The following ARHGEF38 variants were observed in gnomAD, a reference collection of about 807,000 sequenced individuals.
The protein encoded by ARHGEF38 is Rho guanine nucleotide exchange factor (GEF) 38.
ARHGEF38 carries 79 observed loss-of-function variants against 79.9 expected under a neutral mutation model. That is an observed-to-expected ratio of 0.99 (90% CI 0.82 to 1.19). The LOEUF is 1.19. Among genes scored for constraint, ARHGEF38 ranks in the 50% most tolerant of loss-of-function variants. ARHGEF38 has a pLI of 0.00. For missense variants in ARHGEF38, 962 were observed against 907.2 expected (o/e 1.06, Z -0.78); for synonymous variants, 366 against 328.3 (o/e 1.11, Z -1.24).
chr4:105,625,845 A>G (rs1728923643), intron 3 of ARHGEF38, among the ~76,000 whole-genome samples: 1 of 152,200 alleles, frequency 6.6e-6, no homozygotes, highest in African/African-American at 2.4e-5. Flanking sequence ...AACTTAGTCA[A>G]TCTTGGCAGT....
In ARHGEF38 at chr4:105,559,185, C is replaced by T. The variant is rs973190007; in HGVS notation, c.196+6224C>T. Among the ~76,000 whole-genome samples the T allele has an allele frequency of 3.3e-5, 5 of 152,212 alleles. No individual in the cohort carries two copies. The East Asian group carries it at 7.7e-4, about 24-fold the overall frequency. On this transcript the variant is annotated intron_variant, in intron 1 of 13. Coordinates refer to ENST00000420470, the MANE Select transcript of ARHGEF38 (RefSeq NM_001242729.2). ...GAGTTGCTAAATTTATAAGCAGTAT[C>T]GTTCTTAGAACCAGTCAAGACTCAA...
intron 10 of ARHGEF38, among the ~76,000 whole-genome samples, chr4:105,659,652 C>T (rs891599935): frequency 6.6e-6 from 1 of 152,154 alleles, no homozygotes; most frequent in Admixed American, 6.5e-5. Context: ...GCTCCACCTG[C>T]CTGATGCAAC....
intron 6 of ARHGEF38, among the ~76,000 whole-genome samples, chr4:105,647,040 G>C (rs890825002): frequency 2.6e-5 from 4 of 152,122 alleles, no homozygotes; most frequent in African/African-American, 9.7e-5. Flanking sequence ...TGCCTCAACT[G>C]TTAGGTGAGT....
At chr4:105,581,981 C>T (rs1434549931) in intron 1 of ARHGEF38, among the ~76,000 whole-genome samples, 4 of 151,680 alleles carry the variant, frequency 2.6e-5, no homozygotes, top group Non-Finnish European at 5.9e-5. Flanking sequence ...CTGGCCAACC[C>T]AGTGAAACCC....
chr4:105,674,147 G>T (rs1037004356), intron 13 of ARHGEF38, among the ~76,000 whole-genome samples: 8 of 152,100 alleles, frequency 5.3e-5, no homozygotes, highest in African/African-American at 1.9e-4. Context: ...AACTGGGAAT[G>T]TTACCACAGG....
At chr4:105,600,904 AT>A (rs1233981797) in intron 2 of ARHGEF38, among the ~76,000 whole-genome samples, 1 of 152,098 alleles carries the variant, frequency 6.6e-6, no homozygotes, top group Non-Finnish European at 1.5e-5. Flanking sequence ...TGCCTTCAAA[AT>A]TTATCCAGAA....
At chr4:105,651,766 C>T (rs1730114881) in intron 7 of ARHGEF38, among the ~76,000 whole-genome samples, 1 of 152,132 alleles carries the variant, frequency 6.6e-6, no homozygotes, top group East Asian at 1.9e-4. Flanking sequence ...GCAATCCTTT[C>T]ACCTCAGCCT....
At chr4:105,630,249 CTTT>C (rs5860803) in intron 3 of ARHGEF38, among the ~76,000 whole-genome samples, 9 of 139,900 alleles carry the variant, frequency 6.4e-5, no homozygotes, top group South Asian at 2.3e-4. Context: ...AACTGCAACT[CTTT>C]TTTTTTTTTT....
intron 2 of ARHGEF38, among the ~76,000 whole-genome samples, chr4:105,598,500 G>A (rs758535199): frequency 1.1e-4 from 17 of 152,308 alleles, no homozygotes; most frequent in Non-Finnish European, 2.1e-4. Context: ...ATTCTACTTT[G>A]TATTGGCCTT....
At position 105,645,217 on chromosome 4, in the gene ARHGEF38, C is replaced by A. The variant is rs553467264; in HGVS notation, c.704C>A (p.Ser235Tyr). 1.3e-6 allele frequency: 2 copies of A among 1,530,258 alleles called. No homozygotes were observed. The highest frequency in any genetic ancestry group is 1.7e-6 in the Non-Finnish European group (2 of 1,144,438). The allele number at this position is 1,530,258 out of a possible 1,614,324, so 94.8% of individuals were successfully genotyped here. A position where few individuals can be genotyped will look rare whatever the true frequency, so the allele number is the denominator to read the frequency against. ...AAACCAAACTTATTGGACATGGGCT[C>A]TTTGATGATCAAACCAATTCAACGT... Reference protein sequence around the residue: ...EGKPNLLDMGSLMIKPIQRVM... With the variant: ...EGKPNLLDMGYLMIKPIQRVM... The change falls in exon 6 of 14, where the codon TCT becomes TAT. Residue 235 changes from serine (S) to tyrosine (Y), a missense_variant. By Grantham distance (144) the Ser-to-Tyr change is moderately radical. Coordinates refer to ENST00000420470, the MANE Select transcript of ARHGEF38 (RefSeq NM_001242729.2).
intron 1 of ARHGEF38, among the ~76,000 whole-genome samples, chr4:105,583,883 C>A (rs777211051): frequency 6.6e-6 from 1 of 152,052 alleles, no homozygotes; most frequent in Non-Finnish European, 1.5e-5. Context: ...TTGATCACCA[C>A]CAAGGCTGAG....
intron 2 of ARHGEF38, among the ~76,000 whole-genome samples, chr4:105,609,514 T>C (rs997515137): frequency 1.3e-5 from 2 of 152,078 alleles, no homozygotes; most frequent in African/African-American, 4.8e-5. Flanking sequence ...TTAATACTGT[T>C]AAAATATCCA....
In ARHGEF38 at chr4:105,561,474, A is replaced by AGAATGGAATGGAATG. The variant is rs1560684594; in HGVS notation, c.196+8517_196+8518insGGAATGGAATGGAAT. 4.7e-4 allele frequency: 24 copies of AGAATGGAATGGAATG among 50,802 alleles called. 1 individual carries two copies. Among genetic ancestry groups the AGAATGGAATGGAATG allele is most frequent in the South Asian group, 6.1e-4 (1 of 1,652 alleles). 3.1% of individuals were successfully genotyped at this position (50,802 alleles called of 1,614,324 possible). ...GGAATAGAATAGAATAGAATAGAAT[A>AGAATGGAATGGAATG]GAATAGAATAGAATAGAATAGAATA... is the stretch of plus-strand genomic sequence containing the variant. On this transcript the variant is annotated intron_variant, in intron 1 of 13. Coordinates refer to ENST00000420470, the MANE Select transcript of ARHGEF38 (RefSeq NM_001242729.2).
rs1730468162 is a variant in ARHGEF38, at chr4:105,659,314, C to T, written c.1494C>T (p.Leu498=). 1 of 1,535,930 alleles carries T rather than the reference C, an allele frequency of 6.5e-7. No individual in the cohort carries two copies. Among genetic ancestry groups the T allele is most frequent in the Non-Finnish European group, 8.7e-7 (1 of 1,146,870 alleles). The change falls in exon 10 of 14, where the codon CTC becomes CTT. Residue 498 remains leucine, a synonymous_variant. Coordinates refer to ENST00000420470, the MANE Select transcript of ARHGEF38 (RefSeq NM_001242729.2). ...LLNCLCSFIT[L]LRDLMLVAQQ... is the part of the protein sequence containing the mutation. Reference sequence around the variant, plus strand: ...ACTGTCTATGCAGCTTCATTACCCTCCTTAGGGACCTGATGCTCGTGGCAC... The same window carrying T: ...ACTGTCTATGCAGCTTCATTACCCTTCTTAGGGACCTGATGCTCGTGGCAC...
At chr4:105,631,273 C>T (rs1729182152) in intron 4 of ARHGEF38, 1 of 1,180,946 alleles carries the variant, frequency 8.5e-7, no homozygotes, top group African/African-American at 1.6e-5. Context: ...ATTTAGAGCT[C>T]TGCAGCGATT....
rs531749044 is a variant in ARHGEF38, at chr4:105,582,450, A to G, written c.197-6798A>G. 1.4e-4 allele frequency among the ~76,000 whole-genome samples: 22 copies of G among 152,140 alleles called. No individual in the cohort carries two copies. The South Asian group carries it at 4.4e-3, about 30-fold the overall frequency. On this transcript the variant is annotated intron_variant, in intron 1 of 13. Transcript: ENST00000420470. ...AATTTGTAATATTTTTCTTATCCTTATAACAGATATCTTCTATTCACTTTA... is the reference window on the plus strand; with the variant it reads ...AATTTGTAATATTTTTCTTATCCTTGTAACAGATATCTTCTATTCACTTTA...
intron 3 of ARHGEF38, among the ~76,000 whole-genome samples, chr4:105,616,160 T>C (rs1389961080): frequency 6.6e-6 from 1 of 152,164 alleles, no homozygotes; most frequent in African/African-American, 2.4e-5. Flanking sequence ...CTATGGTAAT[T>C]TGGTTACCTA....
chr4:105,557,533 G>A (rs1725307665), intron 1 of ARHGEF38, among the ~76,000 whole-genome samples: 1 of 151,628 alleles, frequency 6.6e-6, no homozygotes, highest in Middle Eastern at 3.2e-3. Context: ...GTATTAGGAG[G>A]TGGGGTCTTT....
intron 5 of ARHGEF38, among the ~76,000 whole-genome samples, chr4:105,642,282 T>A (rs1729650314): frequency 6.6e-6 from 1 of 152,218 alleles, no homozygotes; most frequent in African/African-American, 2.4e-5. Context: ...CTTGGGCAAC[T>A]CTCTCAAGTA....
Sources: allele counts gnomAD v4.1 joint callset (sites outside exome capture counted in the v4.1 genomes callset), GRCh38; gene constraint gnomAD v4.1.1; transcripts MANE v1.5; gene names NCBI Gene and HGNC (gene_info 2026-07-23, HGNC 2026-07-21).